Variants in ULK4 observed in about 807,000 individuals in gnomAD.
The protein encoded by ULK4 is unc-51 like kinase 4, also known as inactive serine/threonine-protein kinase ULK4.
A neutral mutation model predicts 160.6 loss-of-function variants in ULK4; 133 were observed. The ratio of observed to expected loss-of-function variants is 0.83; its 90% CI spans 0.72 to 0.96. ULK4 has a LOEUF of 0.96. Ranked by LOEUF, ULK4 falls within the 40% of genes least tolerant of loss-of-function variation. The pLI is 0.00. For synonymous variants in ULK4, 534 were observed against 539.8 expected (o/e 0.99, Z 0.15); for missense variants, 1,580 against 1,499.5 (o/e 1.05, Z -0.89).
At chr3:41,705,476 T>C (rs948334445) in intron 25 of ULK4, among the ~76,000 whole-genome samples, 171 bp from the exon 26 acceptor site, 4 of 152,028 alleles carry the variant, frequency 2.6e-5, no homozygotes. Context: ...TATTAAATAA[T>C]ATACATAAAG....
rs142999217 is a variant in ULK4 at position 41,387,604 on chromosome 3, A to G, written c.3678+10475T>C. Among the ~76,000 whole-genome samples the G allele has an allele frequency of 6.6e-3, 1,012 of 152,234 alleles. 4 individuals are homozygous for G. Among genetic ancestry groups the G allele is most frequent in the East Asian group, 0.015 (78 of 5,168 alleles). On this transcript the variant is annotated intron_variant, in intron 35 of 36. Coordinates refer to ENST00000301831, the MANE Select transcript of ULK4 (RefSeq NM_017886.4). ...TGCTCTCATTGTTCAATTCACACCT[A>G]TGAGTGAGAATACGCGGTGTTTGGT...
At position 41,302,203 on chromosome 3, in the gene ULK4, T is replaced by C. The variant is rs191297703; in HGVS notation, c.3679-52629A>G. On this transcript the variant is annotated intron_variant, in intron 35 of 36. Coordinates refer to ENST00000301831, the MANE Select transcript of ULK4 (RefSeq NM_017886.4). ...TTCAAATATAAATGAGCAAATGTTA[T>C]AACTTTTTAAAAGTCATTTTTAAAA... 7.2e-5 allele frequency among the ~76,000 whole-genome samples: 11 copies of C among 152,374 alleles called. No homozygotes were observed. In the East Asian group the frequency reaches 1.9e-3, roughly 27 times the overall value.
rs145709324 is a variant in ULK4 at position 41,328,977 on chromosome 3, T to C, written c.3678+69102A>G. ...TTATAGTTCTACGAATTTTAACATG[T>C]TAATCTCATTCACCACCACAATCAA... On this transcript the variant is annotated intron_variant, in intron 35 of 36. Coordinates refer to ENST00000301831, the MANE Select transcript of ULK4 (RefSeq NM_017886.4). Among the ~76,000 whole-genome samples the C allele has an allele frequency of 4.2e-5, 6 of 142,486 alleles. No individual in the cohort carries two copies. In the East Asian group the frequency reaches 1.2e-3, roughly 28 times the overall value. The allele number at this position is 142,486 out of a possible 152,430, so 93.5% of individuals were successfully genotyped here.
chr3:41,372,046 A>C (rs2081379692), intron 35 of ULK4, among the ~76,000 whole-genome samples: 1 of 151,884 alleles, frequency 6.6e-6, no homozygotes, highest in South Asian at 2.1e-4. Flanking sequence ...AGGATATCAG[A>C]GATTGAAGAT....
At chr3:41,697,606 A>AT (rs1310990798) in intron 27 of ULK4, among the ~76,000 whole-genome samples, 2 of 151,838 alleles carry the variant, frequency 1.3e-5, no homozygotes, top group Admixed American at 6.6e-5. Flanking sequence ...AGAAAAATAC[A>AT]TTTTTTTTCT....
At chr3:41,744,587 A>T (rs1216712573) in intron 22 of ULK4, among the ~76,000 whole-genome samples, 1 of 151,988 alleles carries the variant, frequency 6.6e-6, no homozygotes, top group South Asian at 2.1e-4. Context: ...AGAGGTGAAA[A>T]GAGAAACAGA....
At chr3:41,306,610 G>A (rs1258269711) in intron 35 of ULK4, among the ~76,000 whole-genome samples, 1 of 151,752 alleles carries the variant, frequency 6.6e-6, no homozygotes, top group Non-Finnish European at 1.5e-5. Context: ...GAAGTGAGGA[G>A]CCCCTCTGCC....
chr3:41,574,353 C>G (rs376655622), intron 31 of ULK4, among the ~76,000 whole-genome samples: 2 of 152,024 alleles, frequency 1.3e-5, no homozygotes, highest in East Asian at 3.9e-4. Flanking sequence ...CTATTGTTCC[C>G]TCATCTAGTC....
intron 35 of ULK4, among the ~76,000 whole-genome samples, chr3:41,396,769 C>G (rs1181427708): frequency 6.6e-6 from 1 of 152,108 alleles, no homozygotes; most frequent in African/African-American, 2.4e-5. Context: ...CTACTGTCCT[C>G]AGAAGTATTC....
intron 35 of ULK4, among the ~76,000 whole-genome samples, chr3:41,255,083 ATC>A (rs963211431): frequency 4.0e-5 from 6 of 151,360 alleles, no homozygotes; most frequent in African/African-American, 1.5e-4. Context: ...AATAAAACAT[ATC>A]TCTTATATAT....
intron 18 of ULK4, among the ~76,000 whole-genome samples, chr3:41,831,531 A>ATATATATAT: frequency 7.2e-6 from 1 of 138,066 alleles, no homozygotes; most frequent in African/African-American, 2.8e-5. Flanking sequence ...ATATATATAT[A>ATATATATAT]TTTTTTTTTC....
intron 18 of ULK4, among the ~76,000 whole-genome samples, chr3:41,828,775 T>C (rs1294553895): frequency 3.7e-4 from 57 of 152,072 alleles, no homozygotes; most frequent in African/African-American, 1.0e-3. Flanking sequence ...TGACTTTCTT[T>C]ACAGAATTAG....
intron 30 of ULK4, among the ~76,000 whole-genome samples, chr3:41,644,487 G>A (rs1250815425): frequency 1.3e-5 from 2 of 152,146 alleles, no homozygotes; most frequent in African/African-American, 4.8e-5. Flanking sequence ...TTATATGTTG[G>A]ATTACATTTA....
chr3:41,872,883 A>C (rs1415053551), intron 17 of ULK4, among the ~76,000 whole-genome samples: 1 of 152,106 alleles, frequency 6.6e-6, no homozygotes, highest in East Asian at 1.9e-4. Context: ...GGCTGGGCGC[A>C]GTGGCTCATG....
At chr3:41,772,193 G>C (rs867490147) in intron 21 of ULK4, among the ~76,000 whole-genome samples, 1 of 152,148 alleles carries the variant, frequency 6.6e-6, no homozygotes, top group Non-Finnish European at 1.5e-5. Flanking sequence ...TCAAAAGCTA[G>C]CAGAAAGCAA....
chr3:41,831,531 A>ATATAGAGAGATATAT, intron 18 of ULK4, among the ~76,000 whole-genome samples: 5,638 of 138,058 alleles, frequency 0.041, 530 homozygotes, highest in African/African-American at 0.15. Flanking sequence ...ATATATATAT[A>ATATAGAGAGATATAT]TTTTTTTTTC....
chr3:41,428,811 A>G (rs1164382594), intron 34 of ULK4, among the ~76,000 whole-genome samples: 4 of 152,196 alleles, frequency 2.6e-5, no homozygotes, highest in African/African-American at 9.6e-5. Context: ...GCAAAACGAT[A>G]CAAAACCTAG....
intron 30 of ULK4, among the ~76,000 whole-genome samples, chr3:41,643,965 G>A (rs2034361378): frequency 6.6e-6 from 1 of 152,040 alleles, no homozygotes; most frequent in Admixed American, 6.6e-5. Context: ...TTGTGAATGG[G>A]AGTTCACTCA....
At chr3:41,950,648 C>G (rs1576007437) in intron 2 of ULK4, among the ~76,000 whole-genome samples, 1 of 152,034 alleles carries the variant, frequency 6.6e-6, no homozygotes, top group African/African-American at 2.4e-5. Flanking sequence ...CTCGGTCTCT[C>G]CAAGTGCTGG....
Sources: gnomAD v4.1 joint callset for allele counts (sites outside exome capture counted in the v4.1 genomes callset) on GRCh38, gnomAD v4.1.1 for gene constraint, MANE v1.5 for transcripts, NCBI Gene and HGNC (gene_info 2026-07-23, HGNC 2026-07-21) for gene names.